The following EMC3 variants were observed in gnomAD, a reference collection of about 807,000 sequenced individuals.
EMC3 encodes ER membrane protein complex subunit 3, also known as 30 kDa protein.
Under a neutral mutation model 36.6 loss-of-function variants are expected in EMC3, and 13 were observed. The ratio of observed to expected loss-of-function variants is 0.35; its 90% CI spans 0.23 to 0.56. The LOEUF is 0.56. Among genes scored for constraint, EMC3 ranks in the 20% least tolerant of loss-of-function variants. The pLI is 0.84. For missense variants in EMC3, 220 were observed against 324.5 expected, an observed-to-expected ratio of 0.68 and a Z score of 2.47; for synonymous variants, 120 against 111.9, an observed-to-expected ratio of 1.07 and a Z score of -0.46.
intron 7 of EMC3, 121 bp downstream of exon 7, chr3:9,969,598 C>A: frequency 6.5e-7 from 1 of 1,549,278 alleles, no homozygotes; most frequent in Non-Finnish European, 8.7e-7. Context: ...TATGTTTTTA[C>A]TAAGTTTAAA....
chr3:9,972,385 G>A (rs148894307), intron 5 of EMC3, among the ~76,000 whole-genome samples: 89 of 148,728 alleles, frequency 6.0e-4, no homozygotes, highest in Non-Finnish European at 1.2e-3. Flanking sequence ...GAAAAGAGGT[G>A]ACACATTCTT....
intron 1 of EMC3, among the ~76,000 whole-genome samples, chr3:10,009,670 A>C (rs2086302876): frequency 6.6e-6 from 1 of 151,822 alleles, no homozygotes. Context: ...TTTGGATTAC[A>C]CTCCCAGTCC....
At chr3:9,986,183 G>A (rs2085969799) in intron 1 of EMC3, among the ~76,000 whole-genome samples, 1 of 152,102 alleles carries the variant, frequency 6.6e-6, no homozygotes. Flanking sequence ...AGGGTGGGAT[G>A]GAATAGTTCA....
At chr3:9,989,350 A>G (rs2086017777), upstream of EMC3, among the ~76,000 whole-genome samples, 1 of 152,178 alleles carries the variant, frequency 6.6e-6, no homozygotes, top group South Asian at 2.1e-4. Context: ...CAGGAGTTTG[A>G]GACCAGCCTG....
intron 1 of EMC3, among the ~76,000 whole-genome samples, chr3:10,001,772 C>A (rs1354923509): frequency 6.6e-6 from 1 of 152,028 alleles, no homozygotes; most frequent in Non-Finnish European, 1.5e-5. Context: ...CCGAGGCGGG[C>A]AGATCACGAG....
At chr3:10,007,054 T>G in intron 1 of EMC3, 1 of 297,198 alleles carries the variant, frequency 3.4e-6, no homozygotes, top group Non-Finnish European at 6.6e-6. Context: ...TCTGCTGCTT[T>G]GCACCCTCTT....
intron 1 of EMC3, among the ~76,000 whole-genome samples, chr3:10,005,880 C>G (rs900365223): frequency 2.0e-5 from 3 of 152,210 alleles, no homozygotes; most frequent in African/African-American, 7.2e-5. Context: ...CTGTCCCTTC[C>G]TCCCGGGGTT....
intron 1 of EMC3, chr3:9,981,565 T>G (rs2085912051): frequency 4.3e-6 from 1 of 234,940 alleles, no homozygotes; most frequent in Non-Finnish European, 8.6e-6. Flanking sequence ...TATAAAGCTT[T>G]GTAATTTGCA....
At chr3:9,977,116 C>T in intron 2 of EMC3, 66 bp from the exon 3 acceptor site, 2 of 1,271,936 alleles carry the variant, frequency 1.6e-6, no homozygotes, top group East Asian at 2.3e-5. Context: ...TTAAATTACT[C>T]CCCAGTGGCT....
intron 3 of EMC3, among the ~76,000 whole-genome samples, chr3:9,975,815 G>GA (rs56879267): frequency 0.03 from 2,669 of 88,060 alleles, 115 homozygotes; most frequent in African/African-American, 0.084. Context: ...CCTTTCTGAA[G>GA]AAAAAAAAAA....
chr3:9,983,450 T>C (rs2085933877), intron 1 of EMC3, among the ~76,000 whole-genome samples: 1 of 152,154 alleles, frequency 6.6e-6, no homozygotes, highest in African/African-American at 2.4e-5. Flanking sequence ...GTCCGGCTGT[T>C]ACATTCCTTC....
Position 9,976,971 on chromosome 3 carries a change from G to C in EMC3, c.293C>G (p.Pro98Arg), listed in dbSNP as rs1311312124. The change falls in exon 3 of 8, where the codon CCT becomes CGT. Residue 98 changes from proline to arginine, a missense_variant. By Grantham distance (103) the Pro-to-Arg change is moderately radical. Around this residue, in one of 3 missense-constraint regions of EMC3, gnomAD observed 127 missense variants for 174.6 expected, o/e 0.73. Coordinates refer to ENST00000245046, the MANE Select transcript of EMC3 (RefSeq NM_001394674.1). ...AACAAACATACCAGTCATAGGAGAAGGTGGCACTACCTTCCGTTTAGTTTT... is the reference window on the plus strand; with the variant it reads ...AACAAACATACCAGTCATAGGAGAACGTGGCACTACCTTCCGTTTAGTTTT... ...FKKTKRKVVPPSPMTDPTMLT... is the reference protein window; with the variant it reads ...FKKTKRKVVPRSPMTDPTMLT... The C allele has an allele frequency of 6.2e-7, 1 of 1,611,076 alleles. No homozygotes were observed. The highest frequency in any genetic ancestry group is 1.7e-5 in the Admixed American group (1 of 59,392).
intron 1 of EMC3, chr3:9,993,115 T>G (rs1484549197): frequency 2.8e-6 from 2 of 713,510 alleles, no homozygotes; most frequent in Non-Finnish European, 4.9e-6. Flanking sequence ...CCATTGAAAT[T>G]TTTGAATTTT....
upstream of EMC3, chr3:9,988,083 G>A (rs1292297599): frequency 5.1e-6 from 3 of 583,804 alleles, no homozygotes; most frequent in Admixed American, 8.4e-5. Context: ...CACAGTCAGA[G>A]TTGGAGCTTA....
At chr3:9,998,397 A>AATAATAAT (rs2086155517) in intron 1 of EMC3, among the ~76,000 whole-genome samples, 1 of 145,996 alleles carries the variant, frequency 6.8e-6, no homozygotes, top group Non-Finnish European at 1.5e-5. Flanking sequence ...TAATAATAAT[A>AATAATAAT]ATAATAATAA....
rs1181397005 is a variant in EMC3 at position 9,973,258 on chromosome 3, A to C, written c.494+370T>G. Among the ~76,000 whole-genome samples the C allele has an allele frequency of 1.2e-3, 156 of 131,592 alleles. No individual in the cohort carries two copies. In the Middle Eastern group the frequency reaches 0.022, roughly 19 times the overall value. The allele number at this position is 131,592 out of a possible 152,430, so 86.3% of individuals were successfully genotyped here. On this transcript the variant is annotated intron_variant, in intron 5 of 7. Transcript: ENST00000245046. ...CGCCCAGGCTGGAGTGCAGTGGCGC[A>C]ATCTCAGCTCACTGCAAGCTCCGCC...
At chr3:10,009,088 G>C (rs2086296737) in intron 1 of EMC3, 1 of 152,364 alleles carries the variant, frequency 6.6e-6, no homozygotes, top group South Asian at 2.1e-4. Flanking sequence ...AGCTCATAGG[G>C]GTTCGGCTCC....
At chr3:10,002,247 T>C (rs1334966896) in intron 1 of EMC3, among the ~76,000 whole-genome samples, 6 of 131,462 alleles carry the variant, frequency 4.6e-5, no homozygotes, top group Admixed American at 3.8e-4. Context: ...TCCATTTATT[T>C]ATGTCTTTAA....
Position 9,978,206 on chromosome 3 carries a change from G to A in EMC3, c.156-760C>T, listed in dbSNP as rs575243234. On this transcript the variant is annotated intron_variant, in intron 1 of 7. Coordinates refer to ENST00000245046, the MANE Select transcript of EMC3 (RefSeq NM_001394674.1). ...AAAAAATTAGCCAGGCTGGTGGCAC[G>A]TGCCTGTAGTCCCAGCTACTCAGGA... The A allele has an allele frequency of 7.5e-4, 107 of 143,434 alleles. 1 individual carries two copies. In the South Asian group the frequency reaches 0.022, roughly 29 times the overall value. The allele number at this position is 143,434 out of a possible 1,614,324, so 8.9% of individuals were successfully genotyped here. A position where few individuals can be genotyped will look rare whatever the true frequency, so the allele number is the denominator to read the frequency against.
Sources: allele counts gnomAD v4.1 joint callset (sites outside exome capture counted in the v4.1 genomes callset), GRCh38; gene constraint gnomAD v4.1.1; regional missense constraint gnomAD v4.1.1; transcripts MANE v1.5; gene names NCBI Gene and HGNC (gene_info 2026-07-23, HGNC 2026-07-21).